Variants in MYO1C observed in about 807,000 individuals in gnomAD.
The protein encoded by MYO1C is unconventional myosin-Ic.
A neutral mutation model predicts 150.8 loss-of-function variants in MYO1C; 104 were observed. The ratio of observed to expected loss-of-function variants is 0.69; its 90% confidence interval spans 0.59 to 0.81. The LOEUF (loss-of-function observed/expected upper bound fraction) is 0.81. Among genes scored for constraint, MYO1C ranks in the 30% least tolerant of loss-of-function variants. The pLI is 0.00. For missense variants in MYO1C, 1,504 were observed against 1,435.0 expected, an observed-to-expected ratio of 1.05 and a Z score of -0.78; for synonymous variants, 663 against 579.9, an observed-to-expected ratio of 1.14 and a Z score of -2.06.
At chr17:1,469,364 G>A (rs2074248988) in intron 25 of MYO1C, 167 bp downstream of exon 25, 2 of 676,872 alleles carry the variant, frequency 3.0e-6, no homozygotes, top group Non-Finnish European at 5.3e-6. Flanking sequence ...GTAGACTGGG[G>A]TAAATAGAGT....
At chr17:1,471,516 C>T (rs1423405230) in intron 19 of MYO1C, among the ~76,000 whole-genome samples, 180 bp from the exon 20 acceptor site, 1 of 152,132 alleles carries the variant, frequency 6.6e-6, no homozygotes, top group Admixed American at 6.5e-5. Context: ...TACCTAAGGC[C>T]AAGTAACTAG....
At chr17:1,471,467 C>A in intron 19 of MYO1C, 131 bp from the exon 20 acceptor site, 2 of 741,322 alleles carry the variant, frequency 2.7e-6, no homozygotes, top group South Asian at 3.0e-5. Context: ...CTCACTCGGT[C>A]ACTGCCCCCA....
chr17:1,476,865 GTC>G (rs1294925198), intron 14 of MYO1C, among the ~76,000 whole-genome samples: 3 of 151,748 alleles, frequency 2.0e-5, no homozygotes, highest in African/African-American at 7.3e-5. Flanking sequence ...TGGGGTTGAA[GTC>G]TCACTCTGTC....
intron 28 of MYO1C, 33 bp from the exon 29 acceptor site, chr17:1,467,943 G>T: frequency 6.2e-7 from 1 of 1,612,718 alleles, no homozygotes; most frequent in Non-Finnish European, 8.5e-7. Context: ...AGAGGTCGAG[G>T]GTCAGAGCAG....
Position 1,465,605 on chromosome 17 carries a change from G to T in MYO1C, c.*121C>A. The T allele has an allele frequency of 9.6e-7, 1 of 1,042,976 alleles. No individual in the cohort carries two copies. The highest frequency in any genetic ancestry group is 1.3e-6 in the Non-Finnish European group (1 of 772,572). 64.6% of individuals were successfully genotyped at this position (1,042,976 alleles called of 1,614,324 possible). The stretch of plus-strand genomic sequence containing the variant: ...AGGGATGGGCAGGAGGTGGGAGATT[G>T]CAGGTGGGCTTCGGGGTGTCCCTGG... On this transcript the variant is annotated 3_prime_UTR_variant, in exon 32 of 32. Coordinates refer to ENST00000648651, the MANE Select transcript of MYO1C (RefSeq NM_001080779.2).
chr17:1,486,715 C>T (rs1368185962), intron 1 of MYO1C, among the ~76,000 whole-genome samples: 8 of 152,126 alleles, frequency 5.3e-5, no homozygotes, highest in Admixed American at 5.2e-4. Flanking sequence ...GGGGTTTTAC[C>T]ATGTTGGCCA....
intron 24 of MYO1C, 38 bp downstream of exon 24, chr17:1,470,137 T>C (rs756974754): frequency 6.3e-7 from 1 of 1,590,248 alleles, no homozygotes; most frequent in South Asian, 1.1e-5. Context: ...TGCTGTGTAC[T>C]ATGATGGTCC....
intron 27 of MYO1C, 52 bp from the exon 28 acceptor site, chr17:1,468,175 G>A (rs752187563): frequency 7.1e-5 from 114 of 1,611,434 alleles, no homozygotes; most frequent in Non-Finnish European, 8.7e-5. Context: ...CCAAGGCTCC[G>A]CCCCTGCCCT....
At position 1,469,286 on chromosome 17, in the gene MYO1C, T is replaced by C. The variant is rs77012692; in HGVS notation, c.2610+245A>G. The C allele has an allele frequency of 3.5e-5, 19 of 544,846 alleles. No homozygotes were observed. The Middle Eastern group carries it at 1.5e-3, about 43-fold the overall frequency. 33.8% of individuals were successfully genotyped at this position (544,846 alleles called of 1,614,324 possible). The stretch of plus-strand genomic sequence containing the variant: ...GTAGATTGCGGTAAATAGAGTAGAC[T>C]GGGGTAAATACGGTAGGTGGGGTAA... On this transcript the variant is annotated intron_variant, in intron 25 of 31. Transcript: ENST00000648651.
At position 1,474,835 on chromosome 17, in the gene MYO1C, G is replaced by C. The variant is rs759611643; in HGVS notation, c.1693C>G (p.Leu565Val). 1.2e-6 allele frequency: 2 copies of C among 1,613,866 alleles called. No individual in the cohort carries two copies. Among genetic ancestry groups the C allele is most frequent in the Non-Finnish European group, 1.7e-6 (2 of 1,179,946 alleles). Residue 565 changes from leucine (L) to valine (V), a missense_variant, in exon 16 of 32, where the codon CTT (leucine) becomes GTT (valine). Physicochemically the swap from Leu to Val is conservative, Grantham distance 32. Transcript: ENST00000648651. ...ACCTCCTTAAGGTTCCGGAAGAGAA[G>C]GTCATTGTTTTTGTCCAGAAACCCT... ...VTGFLDKNND[L>V]LFRNLKETMC... is the part of the protein sequence containing the mutation.
intron 19 of MYO1C, among the ~76,000 whole-genome samples, chr17:1,471,554 A>AC (rs925064210): frequency 1.3e-5 from 2 of 151,272 alleles, no homozygotes; most frequent in Non-Finnish European, 3.0e-5. Flanking sequence ...ATTCAGTTTG[A>AC]CCCCCCAGGC....
At chr17:1,492,273 G>C (rs2074743815) in intron 1 of MYO1C, 140 bp downstream of exon 1, 1 of 816,160 alleles carries the variant, frequency 1.2e-6, no homozygotes, top group Non-Finnish European at 2.0e-6. Context: ...ACCCCGTCTT[G>C]TTCAGTCTGT....
intron 3 of MYO1C, among the ~76,000 whole-genome samples, chr17:1,483,402 G>C (rs1305330870): frequency 6.6e-6 from 1 of 152,132 alleles, no homozygotes; most frequent in Non-Finnish European, 1.5e-5. Context: ...AATAAGTCAT[G>C]GGTGTGAGTC....
At position 1,492,585 on chromosome 17, in the gene MYO1C, A is replaced by G; in HGVS notation, c.-98T>C. 8.7e-7 allele frequency: 1 copy of G among 1,149,262 alleles called. No homozygotes were observed. The allele number at this position is 1,149,262 out of a possible 1,614,324, so 71.2% of individuals were successfully genotyped here. A position where few individuals can be genotyped will look rare whatever the true frequency, so the allele number is the denominator to read the frequency against. On this transcript the variant is annotated 5_prime_UTR_variant, in exon 1 of 32. Coordinates refer to ENST00000648651, the MANE Select transcript of MYO1C (RefSeq NM_001080779.2). ...CCGACCACTCCGGGACCAGGAACCT[A>G]CGGTCTAACGCCGGGATGGCCACTT...
rs1340089478 is a variant in MYO1C at position 1,470,304 on chromosome 17, G to A, written c.2397C>T (p.Ala799=). The change falls in exon 24 of 32, where the codon GCC becomes GCT. Residue 799 remains alanine (A), a synonymous_variant. Coordinates refer to ENST00000648651, the MANE Select transcript of MYO1C (RefSeq NM_001080779.2). ...AGAAGGCGTTCTCGGGGCAGCGGGGGGCGTGGCGCAGGACGAAGCCTCGGA... is the reference window on the plus strand; with the variant it reads ...AGAAGGCGTTCTCGGGGCAGCGGGGAGCGTGGCGCAGGACGAAGCCTCGGA... ...RLIRGFVLRH[A]PRCPENAFFL... The A allele has an allele frequency of 6.4e-7, 1 of 1,572,370 alleles. No homozygotes were observed. Among genetic ancestry groups the A allele is most frequent in the South Asian group, 1.2e-5 (1 of 86,080 alleles).
At chr17:1,487,792 G>C (rs978362799) in intron 1 of MYO1C, among the ~76,000 whole-genome samples, 1 of 152,194 alleles carries the variant, frequency 6.6e-6, no homozygotes, top group Non-Finnish European at 1.5e-5. Context: ...GGTGGTGGGC[G>C]CCTGTGTAAT....
intron 2 of MYO1C, 46 bp from the exon 3 acceptor site, chr17:1,483,771 C>T (rs186439232): frequency 4.2e-4 from 609 of 1,458,464 alleles, no homozygotes; most frequent in Non-Finnish European, 5.5e-4. Flanking sequence ...GGGCCAGGTG[C>T]GATGGCTCAT....
chr17:1,471,404 T>C, intron 19 of MYO1C, 68 bp from the exon 20 acceptor site: 1 of 1,355,946 alleles, frequency 7.4e-7, no homozygotes, highest in East Asian at 2.4e-5. Flanking sequence ...CAATCAGCTT[T>C]CTCTGGGCAC....
At position 1,492,458 on chromosome 17, in the gene MYO1C, G is replaced by T; in HGVS notation, c.30C>A (p.Thr10=). MALQVELVP[T]GEIIRVVHPH... ...GATGAACCACGCGGATGATCTCCCC[G>T]GTGGGTACCAGCTCCACTTGCAGCG... Residue 10 remains threonine, a synonymous_variant, in exon 1 of 32, where the codon ACC becomes ACA. Transcript: ENST00000648651. 6.2e-7 allele frequency: 1 copy of T among 1,607,182 alleles called. No homozygotes were observed. Among genetic ancestry groups the T allele is most frequent in the Non-Finnish European group, 8.5e-7 (1 of 1,177,226 alleles).
Sources: allele counts gnomAD v4.1 joint callset (sites outside exome capture counted in the v4.1 genomes callset), GRCh38; gene constraint gnomAD v4.1.1; transcripts MANE v1.5; gene names NCBI Gene and HGNC (gene_info 2026-07-23, HGNC 2026-07-21).